Variants in TMEM217 observed in about 807,000 individuals in gnomAD.
TMEM217 encodes chromosome 6 open reading frame 128.
For synonymous variants in TMEM217, 76 were observed against 88.3 expected, an observed-to-expected ratio of 0.86 and a Z score of 0.78; for missense variants, 204 against 248.8, an observed-to-expected ratio of 0.82 and a Z score of 1.21.
intron 1 of TMEM217, among the ~76,000 whole-genome samples, chr6:37,240,355 C>G (rs146837939): frequency 4.3e-4 from 66 of 152,328 alleles, no homozygotes; most frequent in Middle Eastern, 6.8e-3. Context: ...CAAGCTCGCT[C>G]TCTCTGACTG....
intron 1 of TMEM217, among the ~76,000 whole-genome samples, chr6:37,244,375 AC>A (rs1764946529): frequency 6.6e-6 from 1 of 152,230 alleles, no homozygotes; most frequent in Admixed American, 6.5e-5. Flanking sequence ...AACTTCTTTC[AC>A]ATGAGGGAGA....
upstream of TMEM217, chr6:37,258,132 C>T: frequency 1.3e-6 from 1 of 797,236 alleles, no homozygotes; most frequent in Non-Finnish European, 1.9e-6. Flanking sequence ...GGCAGCGAAG[C>T]GAACAGCGAG....
intron 1 of TMEM217, among the ~76,000 whole-genome samples, chr6:37,246,970 G>C (rs1180875732): frequency 1.3e-5 from 2 of 152,026 alleles, no homozygotes; most frequent in Non-Finnish European, 2.9e-5. Flanking sequence ...GTACCTATCA[G>C]GCATGGTTAG....
At chr6:37,213,022 C>A (rs761414949), downstream of TMEM217, 1 of 1,475,348 alleles carries the variant, frequency 6.8e-7, no homozygotes, top group Non-Finnish European at 9.2e-7. Flanking sequence ...CATACAGACA[C>A]GTGACAAGAT....
chr6:37,258,020 C>T (rs1213859890), exon 1 of TMEM217: 1 of 1,595,492 alleles, frequency 6.3e-7, no homozygotes, highest in Non-Finnish European at 8.6e-7. Flanking sequence ...CCAAACCCTT[C>T]CAGATCCTAA....
At chr6:37,253,048 G>A (rs927365096) in intron 1 of TMEM217, among the ~76,000 whole-genome samples, 15 of 152,110 alleles carry the variant, frequency 9.9e-5, no homozygotes, top group Admixed American at 7.2e-4. Flanking sequence ...ATTTTTCCAC[G>A]TTTTCTTCCA....
intron 1 of TMEM217, among the ~76,000 whole-genome samples, chr6:37,246,187 T>G (rs1479885627): frequency 6.6e-6 from 1 of 152,168 alleles, no homozygotes; most frequent in African/African-American, 2.4e-5. Context: ...TCTAATTCTC[T>G]CCTGCAGTAA....
At chr6:37,216,370 C>A (rs532409023), downstream of TMEM217, among the ~76,000 whole-genome samples, 3 of 152,082 alleles carry the variant, frequency 2.0e-5, no homozygotes, top group African/African-American at 4.8e-5. Context: ...TGAGCCCCTG[C>A]GCCTGGCCCG....
Position 37,237,838 on chromosome 6 carries a change from T to G in TMEM217, c.-11-18797A>C, listed in dbSNP as rs527754140. 2.0e-5 allele frequency among the ~76,000 whole-genome samples: 3 copies of G among 152,232 alleles called. No homozygotes were observed. The South Asian group carries it at 6.2e-4, about 32-fold the overall frequency. ...TACACACACACTACACACACATATT[T>G]TTAGGACTTTATATAGATGCAAGAA... On this transcript the variant is annotated intron_variant, in intron 1 of 1. Coordinates refer to ENST00000357219, the Ensembl canonical transcript of TMEM217.
At chr6:37,233,979 A>G (rs1382532238) in intron 1 of TMEM217, among the ~76,000 whole-genome samples, 1 of 152,196 alleles carries the variant, frequency 6.6e-6, no homozygotes, top group African/African-American at 2.4e-5. Flanking sequence ...TTATTATAAA[A>G]TAGTCTTTGT....
intron 1 of TMEM217, among the ~76,000 whole-genome samples, chr6:37,249,662 T>G (rs903513421): frequency 6.6e-6 from 1 of 152,250 alleles, no homozygotes; most frequent in Non-Finnish European, 1.5e-5. Flanking sequence ...CTAAGATTTC[T>G]ACTTTTCTGT....
chr6:37,218,067 G>A (rs954485844), exon 2 of TMEM217: 7 of 1,004,744 alleles, frequency 7.0e-6, no homozygotes, highest in African/African-American at 1.7e-5. Flanking sequence ...AAAGTGGGGG[G>A]AAAAAAGGAA....
At chr6:37,215,995 GT>G (rs1474013375), downstream of TMEM217, among the ~76,000 whole-genome samples, 12 of 9,452 alleles carry the variant, frequency 1.3e-3, no homozygotes, top group South Asian at 0.015. Flanking sequence ...GTTCTTCAGG[GT>G]GTGTGTGTGT....
chr6:37,238,873 G>A (rs1412617072), intron 1 of TMEM217, among the ~76,000 whole-genome samples: 2 of 152,180 alleles, frequency 1.3e-5, no homozygotes, highest in African/African-American at 2.4e-5. Flanking sequence ...GCTCACGCCT[G>A]TAATCCCAGC....
At chr6:37,223,541 C>T (rs997149287) in intron 1 of TMEM217, among the ~76,000 whole-genome samples, 1 of 152,226 alleles carries the variant, frequency 6.6e-6, no homozygotes, top group Admixed American at 6.5e-5. Context: ...CAGTATCTTG[C>T]TCTGTCGCCC....
intron 1 of TMEM217, among the ~76,000 whole-genome samples, chr6:37,236,770 GA>G (rs1287610322): frequency 6.6e-6 from 1 of 152,130 alleles, no homozygotes; most frequent in Non-Finnish European, 1.5e-5. Flanking sequence ...GAGGACTTCA[GA>G]CAGAGCACAG....
In TMEM217 at chr6:37,218,391, G is replaced by A. The variant is rs1447484397; in HGVS notation, c.*31C>T. ...TTGCCATGGCTGCCAAGGCCAGGCTGGTCTTGAACTCCTGACCTCAGGCGA... is the reference window on the plus strand; with the variant it reads ...TTGCCATGGCTGCCAAGGCCAGGCTAGTCTTGAACTCCTGACCTCAGGCGA... On this transcript the variant is annotated 3_prime_UTR_variant, in exon 2 of 2. Coordinates refer to ENST00000357219, the Ensembl canonical transcript of TMEM217. 7 of 1,483,314 alleles carry A rather than the reference G, an allele frequency of 4.7e-6. No homozygotes were observed. The South Asian group carries it at 4.9e-5, about 10-fold the overall frequency. 91.9% of individuals were successfully genotyped at this position (1,483,314 alleles called of 1,614,324 possible). A position where few individuals can be genotyped will look rare whatever the true frequency, so the allele number is the denominator to read the frequency against.
intron 1 of TMEM217, among the ~76,000 whole-genome samples, chr6:37,243,908 C>T (rs1764926945): frequency 6.6e-6 from 1 of 152,146 alleles, no homozygotes; most frequent in African/African-American, 2.4e-5. Flanking sequence ...CCGGTTCAGT[C>T]AGGAGCCAGG....
intron 1 of TMEM217, among the ~76,000 whole-genome samples, chr6:37,235,928 T>A (rs1764478458): frequency 6.6e-6 from 1 of 152,172 alleles, no homozygotes; most frequent in East Asian, 1.9e-4. Flanking sequence ...GGGATTAAGT[T>A]TCAACACATG....
Sources: gnomAD v4.1 joint callset for allele counts (sites outside exome capture counted in the v4.1 genomes callset) on GRCh38, gnomAD v4.1.1 for gene constraint, MANE v1.5 for transcripts, NCBI Gene and HGNC (gene_info 2026-07-23, HGNC 2026-07-21) for gene names.